Variants in GRIK4 observed in about 807,000 individuals in gnomAD.
GRIK4 encodes glutamate receptor ionotropic, kainate 4.
A neutral mutation model predicts 104.9 loss-of-function variants in GRIK4; 40 were observed. The observed-to-expected ratio is 0.38, with a 90% CI of 0.30 to 0.50. GRIK4 has a LOEUF of 0.50. GRIK4 is among the 20% of genes least tolerant of loss of function. The probability of loss-of-function intolerance (pLI) is 0.93; values close to 1 mark genes in which losing one functional copy is unlikely to be tolerated. For missense variants in GRIK4, 1,047 were observed against 1,308.1 expected (o/e 0.80, Z 3.08); for synonymous variants, 485 against 524.9 (o/e 0.92, Z 1.04).
At chr11:120,802,904 G>C (rs377045341) in intron 4 of GRIK4, 47 bp downstream of exon 4, 4 of 1,535,658 alleles carry the variant, frequency 2.6e-6, no homozygotes, top group East Asian at 2.2e-5. Flanking sequence ...GGCAGAGGAT[G>C]GATGAGCAGT....
chr11:120,529,074 C>T (rs1947895825), intron 1 of GRIK4, among the ~76,000 whole-genome samples: 1 of 152,154 alleles, frequency 6.6e-6, no homozygotes, highest in African/African-American at 2.4e-5. Flanking sequence ...TACTCCTTAT[C>T]CATTCCTCTT....
At chr11:120,907,073 G>A (rs909163123) in intron 13 of GRIK4, among the ~76,000 whole-genome samples, 3 of 152,220 alleles carry the variant, frequency 2.0e-5, no homozygotes, top group African/African-American at 4.8e-5. Context: ...GATGATGTAC[G>A]TGCTTAAGTG....
intron 3 of GRIK4, among the ~76,000 whole-genome samples, chr11:120,757,166 C>T (rs921868346): frequency 2.0e-5 from 3 of 152,106 alleles, no homozygotes; most frequent in African/African-American, 7.2e-5. Flanking sequence ...GAGCCACCAG[C>T]CCCACAGAGA....
intron 1 of GRIK4, among the ~76,000 whole-genome samples, chr11:120,595,482 C>A (rs1156705748): frequency 1.3e-5 from 2 of 152,180 alleles, no homozygotes; most frequent in Admixed American, 6.5e-5. Flanking sequence ...AGGTGCATGG[C>A]AGAGGGAAGG....
intron 6 of GRIK4, among the ~76,000 whole-genome samples, chr11:120,824,486 T>C (rs1168485436): frequency 6.6e-6 from 1 of 152,116 alleles, no homozygotes; most frequent in Admixed American, 6.5e-5. Flanking sequence ...TAACATGCCG[T>C]GTATTTCCCT....
rs185691570 is a variant in GRIK4, at chr11:120,551,695, C to T, written c.-159+39808C>T. ...GCTCGGGAGGCTGAGGCAGGAGAAT[C>T]GATTGAACCTGGGAGGCAGAGGTTG... On this transcript the variant is annotated intron_variant, in intron 1 of 20. Coordinates refer to ENST00000527524, the MANE Select transcript of GRIK4 (RefSeq NM_014619.5). Among the ~76,000 whole-genome samples the T allele has an allele frequency of 1.6e-3, 248 of 152,060 alleles. 1 individual carries two copies. Among genetic ancestry groups the T allele is most frequent in the African/African-American group, 5.5e-3 (229 of 41,460 alleles).
Position 120,696,243 on chromosome 11 carries a change from C to T in GRIK4, c.82+35843C>T, listed in dbSNP as rs149298926. Reference sequence around the variant, plus strand: ...AGAGGAAGAATCTGCAGGGGTTGCCCGTGAGCACATATGCACCGAAGTGTG... The same window carrying T: ...AGAGGAAGAATCTGCAGGGGTTGCCTGTGAGCACATATGCACCGAAGTGTG... On this transcript the variant is annotated intron_variant, in intron 3 of 20. Coordinates refer to ENST00000527524, the MANE Select transcript of GRIK4 (RefSeq NM_014619.5). Among the ~76,000 whole-genome samples, 1,136 of 152,210 alleles carry T rather than the reference C, an allele frequency of 7.5e-3. 8 individuals are homozygous for T. Among genetic ancestry groups the T allele is most frequent in the Middle Eastern group, 0.014 (4 of 294 alleles).
At chr11:120,927,366 A>G (rs888997058) in intron 13 of GRIK4, among the ~76,000 whole-genome samples, 1 of 143,274 alleles carries the variant, frequency 7.0e-6, no homozygotes, top group Non-Finnish European at 1.5e-5. Flanking sequence ...CAGAAGTTCG[A>G]GACCAGCCTC....
intron 3 of GRIK4, among the ~76,000 whole-genome samples, chr11:120,741,658 G>A (rs1003284128): frequency 4.0e-5 from 6 of 150,880 alleles, no homozygotes; most frequent in African/African-American, 1.2e-4. Context: ...TTCCTCAGGC[G>A]GCCTTCTATT....
intron 9 of GRIK4, chr11:120,868,102 G>T (rs1954474978): frequency 6.6e-6 from 1 of 152,092 alleles, no homozygotes; most frequent in African/African-American, 2.4e-5. Context: ...CGTCATCTGG[G>T]GCATGGAGAG....
intron 3 of GRIK4, among the ~76,000 whole-genome samples, chr11:120,735,281 C>T (rs940862542): frequency 6.6e-6 from 1 of 152,202 alleles, no homozygotes; most frequent in Non-Finnish European, 1.5e-5. Flanking sequence ...GTGGCTCTTG[C>T]AGACTCACAG....
intron 3 of GRIK4, among the ~76,000 whole-genome samples, chr11:120,795,854 T>C (rs1952500195): frequency 6.6e-6 from 1 of 152,144 alleles, no homozygotes; most frequent in African/African-American, 2.4e-5. Flanking sequence ...CTCGAGTCCC[T>C]TGTGTAAAAT....
intron 3 of GRIK4, among the ~76,000 whole-genome samples, chr11:120,790,389 G>A (rs749275421): frequency 1.3e-5 from 2 of 152,186 alleles, no homozygotes; most frequent in African/African-American, 2.4e-5. Flanking sequence ...GGGTGAAAGT[G>A]TGGGGTGGAG....
chr11:120,757,823 C>T (rs1313857879), intron 3 of GRIK4, among the ~76,000 whole-genome samples: 2 of 152,108 alleles, frequency 1.3e-5, no homozygotes, highest in Non-Finnish European at 2.9e-5. Flanking sequence ...AGGATCACTC[C>T]GTTCCCACCC....
At chr11:120,639,284 T>A (rs1949440240) in intron 1 of GRIK4, among the ~76,000 whole-genome samples, 1 of 152,214 alleles carries the variant, frequency 6.6e-6, no homozygotes, top group African/African-American at 2.4e-5. Context: ...TGCCCTAAGA[T>A]TCAGCTGCAT....
rs1217184709 is a variant in GRIK4 at position 120,987,995 on chromosome 11, T to TA, written c.*1739dup. 6.5e-6 allele frequency: 1 copy of TA among 152,680 alleles called. No individual in the cohort carries two copies. The allele number at this position is 152,680 out of a possible 1,614,324, so 9.5% of individuals were successfully genotyped here. ...ACTTTTGTTGCTGTTGCAAATGTAC[T>TA]AAAATAAAGACATCTTTGGAAGATG... On this transcript the variant is annotated 3_prime_UTR_variant, in exon 21 of 21. Coordinates refer to ENST00000527524, the MANE Select transcript of GRIK4 (RefSeq NM_014619.5).
chr11:120,623,647 C>T lies in GRIK4; in HGVS notation c.-158-30038C>T, dbSNP rs142686099. Among the ~76,000 whole-genome samples, 1,466 of 152,354 alleles carry T rather than the reference C, an allele frequency of 9.6e-3. 27 individuals carry two copies. The highest frequency in any genetic ancestry group is 0.033 in the African/African-American group (1,381 of 41,584). On this transcript the variant is annotated intron_variant, in intron 1 of 20. Transcript: ENST00000527524. ...ATTACAATCTACTAAATTGATTTCA[C>T]GGACCTACTTATGGGTTGTGACCCA...
intron 12 of GRIK4, among the ~76,000 whole-genome samples, chr11:120,899,641 T>C (rs543304933): frequency 2.0e-5 from 3 of 152,286 alleles, no homozygotes; most frequent in African/African-American, 7.2e-5. Context: ...AGTGCATACA[T>C]GGCCAAGGTA....
At chr11:120,882,635 G>A (rs1954998848) in intron 11 of GRIK4, among the ~76,000 whole-genome samples, 1 of 152,220 alleles carries the variant, frequency 6.6e-6, no homozygotes, top group Non-Finnish European at 1.5e-5. Context: ...AGGGGAATTG[G>A]AATGAGGTTT....
Sources: allele counts gnomAD v4.1 joint callset (sites outside exome capture counted in the v4.1 genomes callset), GRCh38; gene constraint gnomAD v4.1.1; transcripts MANE v1.5; gene names NCBI Gene and HGNC (gene_info 2026-07-23, HGNC 2026-07-21).